The following VEZT variants were observed in gnomAD, a reference collection of about 807,000 sequenced individuals.
VEZT encodes the protein vezatin.
In VEZT, 39 loss-of-function variants were observed where a neutral mutation model predicts 79.9. The observed-to-expected ratio is 0.49, with a 90% CI of 0.38 to 0.64. The LOEUF (loss-of-function observed/expected upper bound fraction) is 0.64. Ranked by LOEUF, VEZT falls within the 30% of genes least tolerant of loss-of-function variation. The pLI, the probability that VEZT is intolerant of heterozygous loss-of-function variation, is 0.00. For synonymous variants in VEZT, 325 were observed against 327.6 expected (o/e 0.99, Z 0.09); for missense variants, 837 against 893.1 (o/e 0.94, Z 0.80).
rs762182038 is a variant in VEZT at position 95,266,539 on chromosome 12, A to C, written c.617A>C (p.Asp206Ala). 24 of 1,613,862 alleles carry C rather than the reference A, an allele frequency of 1.5e-5. No homozygotes were observed. Among genetic ancestry groups the C allele is most frequent in the South Asian group, 6.6e-5 (6 of 91,088 alleles). The change falls in exon 5 of 12, where the codon GAT becomes GCT. Residue 206 changes from aspartate to alanine, a missense_variant. Transcript: ENST00000436874. ...AAAAAATACAGCGTTCATTTGGAAG[A>C]TATGGCCACAAACAGCCGAGCTTTT... is the stretch of plus-strand genomic sequence containing the variant. ...TLKKYSVHLE[D>A]MATNSRAFTN...
intron 9 of VEZT, among the ~76,000 whole-genome samples, chr12:95,292,181 A>C (rs1441984307): frequency 1.3e-5 from 2 of 152,176 alleles, no homozygotes; most frequent in African/African-American, 4.8e-5. Context: ...TTTGTGAGTC[A>C]GTTTAACATC....
chr12:95,266,769 A>T, intron 5 of VEZT, 137 bp downstream of exon 5: 1 of 737,744 alleles, frequency 1.4e-6, no homozygotes, highest in East Asian at 2.7e-5. Context: ...TACTAAAGTC[A>T]ATTAACTGCT....
intron 7 of VEZT, among the ~76,000 whole-genome samples, chr12:95,275,180 G>A (rs1354893267): frequency 6.6e-6 from 1 of 152,172 alleles, no homozygotes; most frequent in Non-Finnish European, 1.5e-5. Flanking sequence ...GCCAACGTGA[G>A]TGATTTTATA....
intron 11 of VEZT, chr12:95,299,408 A>G (rs768526481): frequency 3.9e-5 from 6 of 152,610 alleles, no homozygotes; most frequent in Non-Finnish European, 8.8e-5. Context: ...CCTTGCAAGG[A>G]CAACTTCTAC....
At chr12:95,281,107 C>A (rs1177863339) in intron 7 of VEZT, among the ~76,000 whole-genome samples, 1 of 152,124 alleles carries the variant, frequency 6.6e-6, no homozygotes, top group African/African-American at 2.4e-5. Context: ...TTATTCCCTG[C>A]TACCTCTTGT....
intron 1 of VEZT, among the ~76,000 whole-genome samples, chr12:95,227,218 T>C (rs573329033): frequency 4.7e-4 from 72 of 152,236 alleles, no homozygotes; most frequent in African/African-American, 1.7e-3. Context: ...TGGCCTCCAA[T>C]AGAACAATCA....
At chr12:95,243,719 C>T (rs2061348829) in intron 1 of VEZT, among the ~76,000 whole-genome samples, 1 of 152,144 alleles carries the variant, frequency 6.6e-6, no homozygotes, top group Non-Finnish European at 1.5e-5. Flanking sequence ...GAGGTAGGAC[C>T]TAATGGGAGG....
rs975002859 is a variant in VEZT, at chr12:95,302,430, A to T, written c.*1757A>T. 6.6e-6 allele frequency: 1 copy of T among 152,170 alleles called. No individual in the cohort carries two copies. The highest frequency in any genetic ancestry group is 2.4e-5 in the African/African-American group (1 of 41,450). 9.4% of individuals were successfully genotyped at this position (152,170 alleles called of 1,614,324 possible). A position where few individuals can be genotyped will look rare whatever the true frequency, so the allele number is the denominator to read the frequency against. ...CGAGAATTTCCAGTCTTTCAGTCTG[A>T]TCTATTTAATTCACTACTTGTTACA... is the stretch of plus-strand genomic sequence containing the variant. On this transcript the variant is annotated 3_prime_UTR_variant, in exon 12 of 12. Transcript: ENST00000436874.
chr12:95,275,624 A>G (rs1018233308), intron 7 of VEZT: 4 of 152,188 alleles, frequency 2.6e-5, no homozygotes, highest in African/African-American at 2.4e-5. Flanking sequence ...GCATACTTCA[A>G]ATGCAAACAA....
At position 95,255,593 on chromosome 12, in the gene VEZT, G is replaced by A. The variant is rs529585649; in HGVS notation, c.169-1557G>A. On this transcript the variant is annotated intron_variant, in intron 2 of 11. Transcript: ENST00000436874. ...ATTATAGGTGCCCACCACCACGCCC[G>A]GCTAATTTTTTGTATTTTTAGTAGA... 3.3e-3 allele frequency among the ~76,000 whole-genome samples: 495 copies of A among 152,088 alleles called. 7 individuals carry two copies. Among genetic ancestry groups the A allele is most frequent in the African/African-American group, 0.012 (478 of 41,494 alleles).
rs112999654 is a variant in VEZT, at chr12:95,289,129, T to A, written c.1522+1272T>A. On this transcript the variant is annotated intron_variant, in intron 9 of 11. Transcript: ENST00000436874. ...ATAAATAAATAAATAAATAAATAAA[T>A]AAAAAAGGCCAGGCTCAGTGGCTCA... Among the ~76,000 whole-genome samples the A allele has an allele frequency of 2.1e-3, 295 of 141,458 alleles. 3 individuals carry two copies. The highest frequency in any genetic ancestry group is 8.2e-3 in the South Asian group (36 of 4,368). 92.8% of individuals were successfully genotyped at this position (141,458 alleles called of 152,430 possible).
rs757379531 is a variant in VEZT, at chr12:95,266,436, T to C, written c.514T>C (p.Trp172Arg). The change falls in exon 5 of 12, where the codon TGG becomes CGG. Residue 172 changes from tryptophan (W) to arginine (R), a missense_variant. By Grantham distance (101) the Trp-to-Arg change is moderately radical (BLOSUM62 -3). Coordinates refer to ENST00000436874, the MANE Select transcript of VEZT (RefSeq NM_017599.4). ...GTGGATTGTGTCTTCCTGGCTGGTATGGGGAGTGATTCTATTTGTGTATCT... is the reference window on the plus strand; with the variant it reads ...GTGGATTGTGTCTTCCTGGCTGGTACGGGGAGTGATTCTATTTGTGTATCT... The part of the protein sequence containing the change: ...TWWIVSSWLV[W>R]GVILFVYLVI... 1.5e-5 allele frequency: 25 copies of C among 1,613,802 alleles called. No homozygotes were observed. In the African/African-American group the frequency reaches 3.1e-4, roughly 20 times the overall value.
chr12:95,300,391 A>G lies in VEZT; in HGVS notation c.2058A>G (p.Ala686=), dbSNP rs2075055150. 1.9e-6 allele frequency: 3 copies of G among 1,613,884 alleles called. No homozygotes were observed. Among genetic ancestry groups the G allele is most frequent in the Non-Finnish European group, 2.5e-6 (3 of 1,179,882 alleles). Residue 686 remains alanine (A), a synonymous_variant, in exon 12 of 12, where the codon GCA becomes GCG. Transcript: ENST00000436874. ...NSSNEVFPQG[A]EERMCYQCES... ...CAAATGAAGTCTTCCCCCAAGGAGCAGAAGAAAGAATGTGTTACCAATGTG... is the reference window on the plus strand; with the variant it reads ...CAAATGAAGTCTTCCCCCAAGGAGCGGAAGAAAGAATGTGTTACCAATGTG...
chr12:95,272,044 C>T lies in VEZT; in HGVS notation c.848+1856C>T, dbSNP rs138388002. 1.6e-3 allele frequency among the ~76,000 whole-genome samples: 247 copies of T among 152,194 alleles called. 2 individuals carry two copies. Among genetic ancestry groups the T allele is most frequent in the African/African-American group, 5.9e-3 (243 of 41,520 alleles). On this transcript the variant is annotated intron_variant, in intron 6 of 11. Coordinates refer to ENST00000436874, the MANE Select transcript of VEZT (RefSeq NM_017599.4). ...TAAATTAGCTGCATGGTGGCACACA[C>T]CCGCAGTCCCAGCTACTTAGGAGGC...
At chr12:95,265,130 A>C (rs1398936798) in intron 4 of VEZT, among the ~76,000 whole-genome samples, 1 of 152,030 alleles carries the variant, frequency 6.6e-6, no homozygotes, top group Non-Finnish European at 1.5e-5. Context: ...CAAAGTGCTG[A>C]GATTACAGGC....
intron 6 of VEZT, among the ~76,000 whole-genome samples, chr12:95,273,887 C>G: frequency 6.6e-6 from 1 of 152,004 alleles, no homozygotes; most frequent in East Asian, 1.9e-4. Context: ...AGATGGTTCA[C>G]GATCAATAAT....
In VEZT at chr12:95,217,861, A is replaced by C. The variant is rs777699219; in HGVS notation, c.11A>C (p.Glu4Ala). 1 of 1,532,308 alleles carries C rather than the reference A, an allele frequency of 6.5e-7. No homozygotes were observed. The highest frequency in any genetic ancestry group is 8.7e-7 in the Non-Finnish European group (1 of 1,145,238). 94.9% of individuals were successfully genotyped at this position (1,532,308 alleles called of 1,614,324 possible). The change falls in exon 1 of 12, where the codon GAG becomes GCG. Residue 4 changes from glutamate (E) to alanine (A), a missense_variant. By Grantham distance (107) the Glu-to-Ala change is moderately radical. Coordinates refer to ENST00000436874, the MANE Select transcript of VEZT (RefSeq NM_017599.4). MTP[E>A]FDEEVVFENS... The stretch of plus-strand genomic sequence containing the variant: ...GCATGGCGGAGAAGGATGACACCGG[A>C]GTTTGACGAAGAGGTGGTTTTTGAG...
At chr12:95,285,140 C>G (rs1158805531) in intron 8 of VEZT, among the ~76,000 whole-genome samples, 1 of 143,996 alleles carries the variant, frequency 6.9e-6, no homozygotes, top group Non-Finnish European at 1.5e-5. Context: ...ACTTTTGTAT[C>G]AACCTAATAG....
chr12:95,222,843 C>T (rs1226044002), intron 1 of VEZT, among the ~76,000 whole-genome samples: 2 of 152,190 alleles, frequency 1.3e-5, no homozygotes, highest in African/African-American at 4.8e-5. Context: ...AGCAACTTCT[C>T]ATCTCGTTCT....
Sources: gnomAD v4.1 joint callset for allele counts (sites outside exome capture counted in the v4.1 genomes callset) on GRCh38, gnomAD v4.1.1 for gene constraint, MANE v1.5 for transcripts, NCBI Gene and HGNC (gene_info 2026-07-23, HGNC 2026-07-21) for gene names.